The following CNTNAP5 variants were observed in gnomAD, a reference collection of about 807,000 sequenced individuals.
The protein encoded by CNTNAP5 is contactin-associated protein-like 5.
In CNTNAP5, 72 loss-of-function variants were observed where a neutral mutation model predicts 150.2. The observed-to-expected ratio is 0.48, with a 90% confidence interval of 0.40 to 0.58. CNTNAP5 has a LOEUF of 0.58. CNTNAP5 is among the 20% of genes least tolerant of loss of function. The pLI is 0.00. For synonymous variants in CNTNAP5, 672 were observed against 619.8 expected (o/e 1.08, Z -1.25); for missense variants, 1,636 against 1,626.2 (o/e 1.01, Z -0.10).
chr2:124,615,893 G>A (rs1226601153), intron 12 of CNTNAP5, among the ~76,000 whole-genome samples: 1 of 152,084 alleles, frequency 6.6e-6, no homozygotes, highest in Admixed American at 6.6e-5. Context: ...CTCCATCAGA[G>A]CTCTTGAGTG....
chr2:124,771,799 ACCATCACCATCG>A (rs1185372405), intron 16 of CNTNAP5, among the ~76,000 whole-genome samples: 1 of 151,088 alleles, frequency 6.6e-6, no homozygotes, highest in Admixed American at 6.6e-5. Flanking sequence ...TGTCACCATT[ACCATCACCATCG>A]CCATCACCAC....
chr2:124,755,193 A>AC (rs1680813421), intron 14 of CNTNAP5, among the ~76,000 whole-genome samples: 1 of 151,926 alleles, frequency 6.6e-6, no homozygotes, highest in Admixed American at 6.5e-5. Context: ...GCTATGAAAT[A>AC]CTTTTTTTTT....
chr2:124,236,056 C>T (rs1048060269), intron 2 of CNTNAP5, among the ~76,000 whole-genome samples: 3 of 152,076 alleles, frequency 2.0e-5, no homozygotes, highest in Admixed American at 2.0e-4. Flanking sequence ...ACCTCTGCTT[C>T]CCGGGTTCAA....
At chr2:124,745,450 ATGC>A (rs1206983130) in intron 13 of CNTNAP5, among the ~76,000 whole-genome samples, 1 of 152,090 alleles carries the variant, frequency 6.6e-6, no homozygotes, top group African/African-American at 2.4e-5. Context: ...GGCTGGACTC[ATGC>A]TGTGATGACC....
intron 7 of CNTNAP5, among the ~76,000 whole-genome samples, chr2:124,499,292 G>T (rs1694222519): frequency 6.6e-6 from 1 of 151,712 alleles, no homozygotes; most frequent in South Asian, 2.1e-4. Flanking sequence ...TCAAAAAGTA[G>T]CTAATTATTA....
chr2:124,336,857 C>T (rs1339927466), intron 3 of CNTNAP5, among the ~76,000 whole-genome samples: 2 of 152,034 alleles, frequency 1.3e-5, no homozygotes, highest in Non-Finnish European at 2.9e-5. Context: ...GTCTTTACAG[C>T]AGCATGATTT....
intron 1 of CNTNAP5, among the ~76,000 whole-genome samples, chr2:124,207,646 A>G (rs1369668344): frequency 6.6e-6 from 1 of 152,200 alleles, no homozygotes; most frequent in Non-Finnish European, 1.5e-5. Flanking sequence ...TTCAGCAATG[A>G]AACGAAATTT....
rs1170247335 is a variant in CNTNAP5 at position 124,529,632 on chromosome 2, T to C, written c.1649+2176T>C. On this transcript the variant is annotated intron_variant, in intron 10 of 23. Transcript: ENST00000682447. ...GTGTTTTCTGAATTTGGTGTTTCAT[T>C]TTTAATGTGTTAATCAACGTGAGCT... Among the ~76,000 whole-genome samples the C allele has an allele frequency of 2.0e-5, 3 of 152,168 alleles. No individual in the cohort carries two copies. The East Asian group carries it at 5.8e-4, about 29-fold the overall frequency.
chr2:124,853,451 G>T, intron 19 of CNTNAP5, among the ~76,000 whole-genome samples: 1 of 152,230 alleles, frequency 6.6e-6, no homozygotes, highest in East Asian at 1.9e-4. Flanking sequence ...AAAATGATGA[G>T]GTTGGTTGTG....
chr2:124,794,012 TTAATA>T (rs1681791901), intron 18 of CNTNAP5, among the ~76,000 whole-genome samples: 1 of 152,244 alleles, frequency 6.6e-6, no homozygotes, highest in Non-Finnish European at 1.5e-5. Context: ...CCCCTTGCAC[TTAATA>T]TAACTAAGAT....
intron 10 of CNTNAP5, among the ~76,000 whole-genome samples, chr2:124,561,492 A>G (rs1456747332): frequency 6.6e-6 from 1 of 152,138 alleles, no homozygotes; most frequent in African/African-American, 2.4e-5. Context: ...GTGGGAATAA[A>G]AAGGAAAGGT....
chr2:124,219,915 T>C (rs1686260281), intron 1 of CNTNAP5, among the ~76,000 whole-genome samples: 1 of 152,094 alleles, frequency 6.6e-6, no homozygotes, highest in African/African-American at 2.4e-5. Context: ...TTTTATGTTA[T>C]TCTTCTTCAG....
chr2:124,274,749 T>G (rs763002494), intron 3 of CNTNAP5, among the ~76,000 whole-genome samples: 1 of 152,162 alleles, frequency 6.6e-6, no homozygotes, highest in Non-Finnish European at 1.5e-5. Flanking sequence ...GTTAATGATC[T>G]AAAGGCCACT....
chr2:124,400,928 G>C (rs1691406981), intron 3 of CNTNAP5, among the ~76,000 whole-genome samples: 1 of 151,936 alleles, frequency 6.6e-6, no homozygotes, highest in African/African-American at 2.4e-5. Context: ...CTGGAGCGCA[G>C]TTGCATGATC....
intron 19 of CNTNAP5, among the ~76,000 whole-genome samples, chr2:124,799,360 T>A (rs1478996873): frequency 6.6e-6 from 1 of 152,238 alleles, no homozygotes; most frequent in African/African-American, 2.4e-5. Context: ...CCTGCAAGGA[T>A]GACTATTCTT....
chr2:124,808,589 A>C (rs868315004), intron 19 of CNTNAP5, among the ~76,000 whole-genome samples: 7 of 150,554 alleles, frequency 4.6e-5, no homozygotes, highest in Middle Eastern at 3.4e-3. Flanking sequence ...CTTGGTCCAA[A>C]AAAAAAAAAA....
At chr2:124,677,648 A>C (rs1678974026) in intron 13 of CNTNAP5, among the ~76,000 whole-genome samples, 1 of 149,850 alleles carries the variant, frequency 6.7e-6, no homozygotes. Context: ...CAGAGTGCTG[A>C]TTGGTGCGTT....
chr2:124,200,368 C>T (rs946248936), intron 1 of CNTNAP5, among the ~76,000 whole-genome samples: 2 of 152,074 alleles, frequency 1.3e-5, no homozygotes, highest in Non-Finnish European at 2.9e-5. Context: ...TTTTGAGACA[C>T]CACTCATTGT....
intron 14 of CNTNAP5, among the ~76,000 whole-genome samples, chr2:124,753,459 T>G (rs965885794): frequency 3.3e-5 from 5 of 152,238 alleles, no homozygotes; most frequent in Non-Finnish European, 2.9e-5. Context: ...ATTTACTTCC[T>G]TGTTAGCCAT....
Sources: allele counts gnomAD v4.1 joint callset (sites outside exome capture counted in the v4.1 genomes callset), GRCh38; gene constraint gnomAD v4.1.1; transcripts MANE v1.5; gene names NCBI Gene and HGNC (gene_info 2026-07-23, HGNC 2026-07-21).